The following PLCG2 variants were observed in gnomAD, a reference collection of about 807,000 sequenced individuals.
PLCG2 encodes the protein 1-phosphatidylinositol 4,5-bisphosphate phosphodiesterase gamma-2.
A neutral mutation model predicts 175.6 loss-of-function variants in PLCG2; 69 were observed. That is an observed-to-expected ratio of 0.39 (90% CI 0.32 to 0.48). PLCG2 has a LOEUF of 0.48. Among genes scored for constraint, PLCG2 ranks in the 20% least tolerant of loss-of-function variants. The pLI is 0.91. For missense variants in PLCG2, 1,798 were observed against 1,650.9 expected (o/e 1.09, Z -1.54); for synonymous variants, 827 against 624.0 (o/e 1.33, Z -4.85).
At chr16:81,774,954 C>G (rs1910367380), upstream of PLCG2, among the ~76,000 whole-genome samples, 1 of 152,024 alleles carries the variant, frequency 6.6e-6, no homozygotes, top group South Asian at 2.1e-4. Context: ...TCATGTTGTC[C>G]AGGCTAGTCT....
chr16:81,827,262 C>T (rs1249332764), intron 2 of PLCG2, among the ~76,000 whole-genome samples: 1 of 151,424 alleles, frequency 6.6e-6, no homozygotes, highest in Non-Finnish European at 1.5e-5. Flanking sequence ...CTATCGCTCA[C>T]TGCAGCCTCA....
At chr16:81,846,456 T>G (rs1906122838) in intron 2 of PLCG2, among the ~76,000 whole-genome samples, 2 of 152,320 alleles carry the variant, frequency 1.3e-5, no homozygotes, top group African/African-American at 2.4e-5. Flanking sequence ...GGAACCAACC[T>G]ATGATAACAT....
At chr16:81,890,066 C>A (rs1343178621) in intron 10 of PLCG2, among the ~76,000 whole-genome samples, 2 of 152,008 alleles carry the variant, frequency 1.3e-5, no homozygotes, top group East Asian at 1.9e-4. Flanking sequence ...CTGGGTGGGG[C>A]CACAGGACCA....
intron 2 of PLCG2, among the ~76,000 whole-genome samples, chr16:81,804,392 C>T (rs1339390847): frequency 1.3e-5 from 2 of 152,160 alleles, no homozygotes; most frequent in African/African-American, 2.4e-5. Context: ...TTCTGGGCCC[C>T]AGCATTGTCT....
intron 12 of PLCG2, among the ~76,000 whole-genome samples, 155 bp downstream of exon 12, chr16:81,893,949 T>G (rs1268335173): frequency 6.6e-6 from 1 of 151,632 alleles, no homozygotes; most frequent in East Asian, 1.9e-4. Context: ...TTCTTTGTTT[T>G]CTTTTTTCTT....
intron 14 of PLCG2, among the ~76,000 whole-genome samples, chr16:81,901,540 C>G (rs1313548406): frequency 6.6e-6 from 1 of 152,094 alleles, no homozygotes; most frequent in East Asian, 1.9e-4. Context: ...TCACAGACCC[C>G]CGAAGAATCC....
At chr16:81,742,738 C>T (rs1026399658) in intron 1 of PLCG2, among the ~76,000 whole-genome samples, 1 of 152,160 alleles carries the variant, frequency 6.6e-6, no homozygotes, top group East Asian at 1.9e-4. Flanking sequence ...AGGAAAGAGC[C>T]AGGTGCTACG....
At chr16:81,880,486 CA>C (rs1908025458) in intron 7 of PLCG2, among the ~76,000 whole-genome samples, 1 of 152,072 alleles carries the variant, frequency 6.6e-6, no homozygotes, top group Admixed American at 6.5e-5. Context: ...AATCAAGTGA[CA>C]TGCTTATTGT....
At chr16:81,948,798 C>T (rs547879661) in intron 31 of PLCG2, among the ~76,000 whole-genome samples, 1 of 152,206 alleles carries the variant, frequency 6.6e-6, no homozygotes, top group South Asian at 2.1e-4. Context: ...ACATCCATGA[C>T]CCAAGAGTGT....
intron 2 of PLCG2, among the ~76,000 whole-genome samples, chr16:81,831,788 A>G (rs1274282821): frequency 1.3e-5 from 2 of 152,152 alleles, no homozygotes; most frequent in Admixed American, 6.5e-5. Context: ...AAGGGAAGGA[A>G]GGCTCTTACC....
chr16:81,936,042 C>T, intron 26 of PLCG2, 127 bp from the exon 27 acceptor site: 1 of 1,472,520 alleles, frequency 6.8e-7, no homozygotes, highest in Non-Finnish European at 9.0e-7. Context: ...ATCAGAACCC[C>T]TTGAATGTCA....
At chr16:81,861,533 C>A (rs532884350) in intron 5 of PLCG2, among the ~76,000 whole-genome samples, 1 of 152,260 alleles carries the variant, frequency 6.6e-6, no homozygotes, top group East Asian at 1.9e-4. Flanking sequence ...CCGTCCTCTT[C>A]TTCTCATCCA....
rs1299287067 is a variant in PLCG2, at chr16:81,959,089, G to C, written c.*1091G>C. On this transcript the variant is annotated 3_prime_UTR_variant, in exon 33 of 33. Coordinates refer to ENST00000564138, the MANE Select transcript of PLCG2 (RefSeq NM_002661.5). ...TAATACATACCAATAATGTAATATG[G>C]CTTTTTAAAGGAGAGGAGAGTGCTG... 3.6e-5 allele frequency: 8 copies of C among 223,096 alleles called. No homozygotes were observed. The highest frequency in any genetic ancestry group is 8.9e-6 in the Non-Finnish European group (1 of 111,852). The allele number at this position is 223,096 out of a possible 1,614,324, so 13.8% of individuals were successfully genotyped here.
At chr16:81,872,622 A>C (rs1218021490) in intron 7 of PLCG2, among the ~76,000 whole-genome samples, 4 of 152,246 alleles carry the variant, frequency 2.6e-5, no homozygotes, top group Admixed American at 6.5e-5. Context: ...TAGGTGGCAC[A>C]CATTCAATAA....
Position 81,889,164 on chromosome 16 carries a change from A to G in PLCG2, c.766-8A>G. 6.4e-7 allele frequency: 1 copy of G among 1,553,330 alleles called. No homozygotes were observed. Among genetic ancestry groups the G allele is most frequent in the Non-Finnish European group, 8.8e-7 (1 of 1,130,830 alleles). On this transcript the variant is annotated splice_region_variant and splice_polypyrimidine_tract_variant and intron_variant, in intron 9 of 32. Coordinates refer to ENST00000564138, the MANE Select transcript of PLCG2 (RefSeq NM_002661.5). ...TTGCTGATCTCTCGTTCTCTTTGTC[A>G]TTTTAAGGAGCATTGGGCTCAGGAT...
intron 2 of PLCG2, among the ~76,000 whole-genome samples, chr16:81,849,506 C>G (rs1906291129): frequency 1.3e-5 from 2 of 152,166 alleles, no homozygotes; most frequent in South Asian, 2.1e-4. Flanking sequence ...TGCGTGTAAT[C>G]TCTGTACTTT....
chr16:81,943,984 G>T (rs190485229), intron 30 of PLCG2, among the ~76,000 whole-genome samples: 21 of 152,296 alleles, frequency 1.4e-4, no homozygotes, highest in Middle Eastern at 6.8e-3. Context: ...TCATTTTGAA[G>T]AGAACAAAAG....
At chr16:81,885,177 C>T (rs1176363630) in intron 9 of PLCG2, among the ~76,000 whole-genome samples, 1 of 152,108 alleles carries the variant, frequency 6.6e-6, no homozygotes, top group Non-Finnish European at 1.5e-5. Flanking sequence ...CAGGCGTCTG[C>T]CACAACACCT....
chr16:81,952,148 A>G (rs77236912), intron 31 of PLCG2, among the ~76,000 whole-genome samples: 1,655 of 152,258 alleles, frequency 0.011, 20 homozygotes, highest in Non-Finnish European at 0.016. Context: ...AAAACATAAA[A>G]TCTTATTAAA....
Sources: allele counts gnomAD v4.1 joint callset (sites outside exome capture counted in the v4.1 genomes callset), GRCh38; gene constraint gnomAD v4.1.1; transcripts MANE v1.5; gene names NCBI Gene and HGNC (gene_info 2026-07-23, HGNC 2026-07-21).